Variants in MYL12B observed in about 807,000 individuals in gnomAD.
MYL12B encodes the protein myosin light chain 12B.
In MYL12B, 3 loss-of-function variants were observed where a neutral mutation model predicts 12.9. That is an observed-to-expected ratio of 0.23 (90% CI 0.11 to 0.60). The LOEUF (loss-of-function observed/expected upper bound fraction) is 0.60, where lower values mean the gene tolerates loss of function less well. Ranked by LOEUF, MYL12B falls within the 20% of genes least tolerant of loss-of-function variation. The pLI, the probability that MYL12B is intolerant of heterozygous loss-of-function variation, is 0.89. For missense variants in MYL12B, 120 were observed against 215.4 expected (o/e 0.56, Z 2.77); for synonymous variants, 57 against 71.9 (o/e 0.79, Z 1.05).
At chr18:3,263,513 C>T (rs2081611668) in intron 1 of MYL12B, among the ~76,000 whole-genome samples, 1 of 152,178 alleles carries the variant, frequency 6.6e-6, no homozygotes, top group South Asian at 2.1e-4. Context: ...TGATGGCTGA[C>T]TCGATGTTCG....
rs759875301 is a variant in MYL12B at position 3,272,948 on chromosome 18, G to A, written c.50G>A (p.Arg17His). ...KTKTTKKRPQ[R>H]ATSNVFAMFD... is the part of the protein sequence containing the mutation. The stretch of plus-strand genomic sequence containing the variant: ...AAGACCACCAAGAAGCGCCCTCAGC[G>A]TGCAACATCCAATGTGTTTGCCATG... Residue 17 changes from arginine to histidine, a missense_variant, in exon 2 of 4, where the codon CGT (arginine) becomes CAT (histidine). Arg to His is a conservative substitution (Grantham distance 29). Transcript: ENST00000237500. 1 of 1,611,670 alleles carries A rather than the reference G, an allele frequency of 6.2e-7. No homozygotes were observed. The highest frequency in any genetic ancestry group is 8.5e-7 in the Non-Finnish European group (1 of 1,179,312).
At chr18:3,268,573 C>T (rs978430155) in intron 1 of MYL12B, among the ~76,000 whole-genome samples, 1 of 152,200 alleles carries the variant, frequency 6.6e-6, no homozygotes, top group African/African-American at 2.4e-5. Flanking sequence ...CAACTCTATT[C>T]TGTACCTTGG....
chr18:3,271,330 G>A (rs1376584724), intron 1 of MYL12B, among the ~76,000 whole-genome samples: 1 of 152,186 alleles, frequency 6.6e-6, no homozygotes, highest in East Asian at 1.9e-4. Context: ...TGGAATGTTA[G>A]AGTAAGGACT....
chr18:3,270,967 C>T (rs1445668884), intron 1 of MYL12B, among the ~76,000 whole-genome samples: 2 of 152,176 alleles, frequency 1.3e-5, no homozygotes, highest in Non-Finnish European at 2.9e-5. Flanking sequence ...CCACCGCACC[C>T]GGCCTGATTC....
At chr18:3,275,190 TGTTAA>T (rs1437551383) in intron 2 of MYL12B, among the ~76,000 whole-genome samples, 1 of 152,172 alleles carries the variant, frequency 6.6e-6, no homozygotes, top group Non-Finnish European at 1.5e-5. Flanking sequence ...GAAGACATTA[TGTTAA>T]GTGAAATAAG....
chr18:3,273,851 G>T (rs57640442), intron 2 of MYL12B, among the ~76,000 whole-genome samples: 53,960 of 115,166 alleles, frequency 0.47, 12,199 homozygotes, highest in African/African-American at 0.66. Flanking sequence ...AGAGGTGGGG[G>T]TTTTTTTTTT....
At chr18:3,272,522 T>G (rs1358398655) in intron 1 of MYL12B, among the ~76,000 whole-genome samples, 1 of 152,176 alleles carries the variant, frequency 6.6e-6, no homozygotes, top group East Asian at 1.9e-4. Context: ...CATCAATAAT[T>G]TCTATTGTGT....
intron 2 of MYL12B, among the ~76,000 whole-genome samples, chr18:3,274,976 A>G (rs2081716692): frequency 6.6e-6 from 1 of 152,196 alleles, no homozygotes; most frequent in African/African-American, 2.4e-5. Context: ...TATACCCCCA[A>G]AAAAGGAAAT....
intron 2 of MYL12B, among the ~76,000 whole-genome samples, chr18:3,273,742 G>A (rs1345413640): frequency 6.6e-6 from 1 of 152,148 alleles, no homozygotes; most frequent in East Asian, 1.9e-4. Flanking sequence ...AGGCCAAAGC[G>A]GAGGGGGTGA....
chr18:3,276,162 G>GT (rs1363125568), intron 2 of MYL12B, among the ~76,000 whole-genome samples: 1 of 151,514 alleles, frequency 6.6e-6, no homozygotes, highest in Admixed American at 6.6e-5. Context: ...ACTTTAACCA[G>GT]TCAATGTTAG....
chr18:3,262,639 CTGGCGG>C (rs2081602467), intron 1 of MYL12B: 1 of 152,516 alleles, frequency 6.6e-6, no homozygotes, highest in Non-Finnish European at 1.5e-5. Flanking sequence ...GCGGCGGGTC[CTGGCGG>C]TGGATTGGGG....
chr18:3,271,596 T>C (rs1439761438), intron 1 of MYL12B, among the ~76,000 whole-genome samples: 1 of 152,152 alleles, frequency 6.6e-6, no homozygotes, highest in East Asian at 1.9e-4. Context: ...CAAGTTTGGA[T>C]GTCCTAAGAC....
rs913303869 is a variant in MYL12B, at chr18:3,277,619, G to A, written c.347-146G>A. Reference sequence around the variant, plus strand: ...AATAATTGGAAAACATAATGATATAGTTCATATAGCCTTAGTTCACTAACT... The same window carrying A: ...AATAATTGGAAAACATAATGATATAATTCATATAGCCTTAGTTCACTAACT... On this transcript the variant is annotated intron_variant, in intron 3 of 3. Coordinates refer to ENST00000237500, the MANE Select transcript of MYL12B (RefSeq NM_033546.4). 8.0e-6 allele frequency: 10 copies of A among 1,254,684 alleles called. No individual in the cohort carries two copies. In the East Asian group the frequency reaches 2.6e-4, roughly 32 times the overall value. 77.7% of individuals were successfully genotyped at this position (1,254,684 alleles called of 1,614,324 possible). A position where few individuals can be genotyped will look rare whatever the true frequency, so the allele number is the denominator to read the frequency against.
chr18:3,265,207 A>C (rs1474391038), intron 1 of MYL12B, among the ~76,000 whole-genome samples: 1 of 152,232 alleles, frequency 6.6e-6, no homozygotes, highest in Non-Finnish European at 1.5e-5. Context: ...CTAAATATGC[A>C]GCACAAAAGC....
intron 1 of MYL12B, among the ~76,000 whole-genome samples, chr18:3,269,589 C>T (rs918961176): frequency 6.6e-5 from 10 of 152,066 alleles, no homozygotes; most frequent in African/African-American, 2.2e-4. Flanking sequence ...CAGATGGGTG[C>T]CTTTCACAGG....
chr18:3,262,865 A>G (rs374920105), intron 1 of MYL12B: 1 of 152,278 alleles, frequency 6.6e-6, no homozygotes. Flanking sequence ...TGTGTCTTGC[A>G]TCTTGTAAAG....
chr18:3,272,507 A>AG (rs1453616160), intron 1 of MYL12B, among the ~76,000 whole-genome samples: 2 of 152,216 alleles, frequency 1.3e-5, no homozygotes, highest in African/African-American at 4.8e-5. Context: ...GTTTAGGACA[A>AG]GGTACATCAA....
intron 1 of MYL12B, among the ~76,000 whole-genome samples, chr18:3,270,645 A>G (rs1461616511): frequency 8.0e-6 from 1 of 125,094 alleles, no homozygotes. Flanking sequence ...TAGAAGTAGC[A>G]TGATACAATT....
intron 2 of MYL12B, among the ~76,000 whole-genome samples, chr18:3,273,540 T>A (rs573133952): frequency 2.5e-4 from 3 of 12,026 alleles, no homozygotes; most frequent in South Asian, 5.2e-3. Context: ...ATGATTTTTT[T>A]AATAACTAAA....
Sources: allele counts gnomAD v4.1 joint callset (sites outside exome capture counted in the v4.1 genomes callset), GRCh38; gene constraint gnomAD v4.1.1; transcripts MANE v1.5; gene names NCBI Gene and HGNC (gene_info 2026-07-23, HGNC 2026-07-21).